The following FGD4 variants were observed in gnomAD, a reference collection of about 807,000 sequenced individuals.
FGD4 encodes FYVE, RhoGEF and PH domain containing 4, also known as FYVE, RhoGEF and PH domain-containing protein 4.
In FGD4, 42 loss-of-function variants were observed where a neutral mutation model predicts 102.0. That is an observed-to-expected ratio of 0.41 (90% CI 0.32 to 0.53). FGD4 has a LOEUF of 0.53. FGD4 is among the 20% of genes least tolerant of loss of function. The pLI, the probability that FGD4 is intolerant of heterozygous loss-of-function variation, is 0.21. For missense variants in FGD4, 902 were observed against 1,078.2 expected (o/e 0.84, Z 2.29); for synonymous variants, 380 against 375.7 (o/e 1.01, Z -0.13).
chr12:32,415,153 A>G (rs1452767986), intron 1 of FGD4, among the ~76,000 whole-genome samples: 2 of 152,080 alleles, frequency 1.3e-5, no homozygotes, highest in Non-Finnish European at 2.9e-5. Flanking sequence ...GATGCTTGCT[A>G]TTATTTCAGT....
In FGD4 at chr12:32,402,481, G is replaced by A. The variant is rs529137979; in HGVS notation, c.166+2522G>A. Among the ~76,000 whole-genome samples, 164 of 152,048 alleles carry A rather than the reference G, an allele frequency of 1.1e-3. 1 individual carries two copies. Among genetic ancestry groups the A allele is most frequent in the Non-Finnish European group, 1.3e-3 (89 of 67,982 alleles). ...GGTCTCACTGTGTTGCCCAGGATAA[G>A]GCTAGAGTGCTGTGCCTATTCATAG... On this transcript the variant is annotated intron_variant, in intron 1 of 16. Transcript: ENST00000534526.
intron 1 of FGD4, among the ~76,000 whole-genome samples, chr12:32,479,938 A>C (rs886115224): frequency 6.7e-6 from 1 of 150,294 alleles, no homozygotes; most frequent in Non-Finnish European, 1.5e-5. Context: ...ACACATGCGT[A>C]CCTCCACATC....
intron 1 of FGD4, among the ~76,000 whole-genome samples, chr12:32,476,688 G>T (rs1453567415): frequency 6.6e-6 from 1 of 152,068 alleles, no homozygotes; most frequent in African/African-American, 2.4e-5. Flanking sequence ...GGCCAGCCTG[G>T]GTAGCAGTGA....
chr12:32,591,500 TTTTAGCATTTACAACA>T (rs1947472157), intron 4 of FGD4, among the ~76,000 whole-genome samples: 3 of 152,212 alleles, frequency 2.0e-5, no homozygotes, highest in African/African-American at 7.2e-5. Context: ...TCATAATTGT[TTTTAGCATTTACAACA>T]TTCTTCCCAG....
intron 1 of FGD4, among the ~76,000 whole-genome samples, chr12:32,440,459 G>A (rs117740643): frequency 0.027 from 4,161 of 152,226 alleles, 106 homozygotes; most frequent in South Asian, 0.12. Flanking sequence ...CTGGATCACC[G>A]GGCAGAGACT....
chr12:32,479,863 A>G (rs560602143), intron 1 of FGD4, among the ~76,000 whole-genome samples: 1 of 135,070 alleles, frequency 7.4e-6, no homozygotes, highest in Admixed American at 8.5e-5. Context: ...ATCTCGGCTC[A>G]CTGCAACCTC....
chr12:32,485,833 C>T, intron 1 of FGD4: 1 of 1,185,324 alleles, frequency 8.4e-7, no homozygotes, highest in South Asian at 3.6e-5. Context: ...CTTCCTAGTC[C>T]ACCCCCGGTA....
At chr12:32,484,925 C>T (rs1176897200) in intron 1 of FGD4, among the ~76,000 whole-genome samples, 1 of 151,986 alleles carries the variant, frequency 6.6e-6, no homozygotes, top group Non-Finnish European at 1.5e-5. Context: ...TAAGAAATGG[C>T]GCCTCACTCT....
At chr12:32,624,840 T>G in intron 12 of FGD4, 136 bp from the exon 13 acceptor site, 1 of 763,520 alleles carries the variant, frequency 1.3e-6, no homozygotes, top group Non-Finnish European at 2.3e-6. Context: ...TTGTGTGTGT[T>G]TTAATATGTA....
chr12:32,497,840 T>A (rs556889487), intron 1 of FGD4, among the ~76,000 whole-genome samples: 5 of 152,244 alleles, frequency 3.3e-5, no homozygotes, highest in Non-Finnish European at 7.3e-5. Context: ...CAGATGTATG[T>A]TATTTTAAAT....
chr12:32,564,326 G>C (rs1256009668), intron 2 of FGD4, 37 bp downstream of exon 2: 9 of 1,527,948 alleles, frequency 5.9e-6, no homozygotes, highest in Non-Finnish European at 7.9e-6. Context: ...GGGTGGGTAC[G>C]TTGTTGATCA....
chr12:32,471,802 G>GC (rs1943420894), intron 1 of FGD4, among the ~76,000 whole-genome samples: 1 of 152,134 alleles, frequency 6.6e-6, no homozygotes, highest in African/African-American at 2.4e-5. Context: ...GGCAGTGGAT[G>GC]CTACCCACAC....
At chr12:32,545,296 A>G (rs891604652) in intron 1 of FGD4, among the ~76,000 whole-genome samples, 1 of 152,204 alleles carries the variant, frequency 6.6e-6, no homozygotes, top group Admixed American at 6.5e-5. Context: ...TCAACTGTGT[A>G]TGGTGCTGCT....
intron 2 of FGD4, among the ~76,000 whole-genome samples, chr12:32,565,999 G>A (rs764741245): frequency 7.2e-5 from 11 of 152,058 alleles, no homozygotes; most frequent in Non-Finnish European, 1.6e-4. Context: ...GTTGTAGTCT[G>A]TTCAGGCTGC....
rs545376232 is a variant in FGD4 at position 32,529,100 on chromosome 12, C to T, written c.167-35037C>T. Among the ~76,000 whole-genome samples, 4 of 152,268 alleles carry T rather than the reference C, an allele frequency of 2.6e-5. No homozygotes were observed. The East Asian group carries it at 5.8e-4, about 22-fold the overall frequency. On this transcript the variant is annotated intron_variant, in intron 1 of 16. Transcript: ENST00000534526. The stretch of plus-strand genomic sequence containing the variant: ...GCCTCATTTTATTAAGCCTCGGAGA[C>T]GTGCAAAATGGAAATTATGCATCAT...
chr12:32,539,918 A>C (rs569336271), intron 1 of FGD4, among the ~76,000 whole-genome samples: 257 of 152,278 alleles, frequency 1.7e-3, no homozygotes, highest in Admixed American at 2.5e-3. Flanking sequence ...TAAGCCCCTT[A>C]ATGTCTATCA....
intron 1 of FGD4, among the ~76,000 whole-genome samples, chr12:32,458,482 T>A (rs953659188): frequency 3.9e-5 from 6 of 152,188 alleles, no homozygotes; most frequent in South Asian, 2.1e-4. Flanking sequence ...GCTGATTTTT[T>A]AAATTTCTAA....
intron 1 of FGD4, among the ~76,000 whole-genome samples, chr12:32,507,191 G>A (rs926705730): frequency 6.7e-6 from 1 of 148,906 alleles, no homozygotes; most frequent in South Asian, 2.1e-4. Flanking sequence ...TTGGTTTTTT[G>A]TCCTTGCGAT....
intron 1 of FGD4, among the ~76,000 whole-genome samples, chr12:32,508,045 C>T (rs1482069191): frequency 2.0e-5 from 3 of 152,116 alleles, no homozygotes; most frequent in Non-Finnish European, 2.9e-5. Context: ...GCACTCACAC[C>T]GTGCTCAGCT....
Sources: gnomAD v4.1 joint callset for allele counts (sites outside exome capture counted in the v4.1 genomes callset) on GRCh38, gnomAD v4.1.1 for gene constraint, MANE v1.5 for transcripts, NCBI Gene and HGNC (gene_info 2026-07-23, HGNC 2026-07-21) for gene names.